LARP6: variants seen among roughly 807,000 people sequenced by gnomAD.
LARP6 encodes La ribonucleoprotein 6, translational regulator.
In LARP6, 18 loss-of-function variants were observed where a neutral mutation model predicts 32.8. The observed-to-expected ratio is 0.55, with a 90% confidence interval of 0.38 to 0.81. The LOEUF (loss-of-function observed/expected upper bound fraction) is 0.81. LARP6 is among the 40% of genes least tolerant of loss of function. The pLI is 0.00. For missense variants in LARP6, 598 were observed against 663.1 expected (o/e 0.90, Z 1.08); for synonymous variants, 289 against 267.2 (o/e 1.08, Z -0.80).
chr15:70,833,012 G>T lies in LARP6; in HGVS notation c.516C>A (p.Pro172=). 1 of 1,613,472 alleles carries T rather than the reference G, an allele frequency of 6.2e-7. No individual in the cohort carries two copies. The highest frequency in any genetic ancestry group is 8.5e-7 in the Non-Finnish European group (1 of 1,179,638). ...EDHRKVRRTT[P]VPLFPNENLP... ...GGTTCTCGTTGGGGAACAGTGGGAC[G>T]GGGGTGGTCCTCCTCACCTTCCGGT... Residue 172 remains proline, a synonymous_variant, in exon 3 of 3, where the codon CCC becomes CCA. Coordinates refer to ENST00000299213, the MANE Select transcript of LARP6 (RefSeq NM_018357.4).
At chr15:70,841,075 G>T (rs531426569) in intron 1 of LARP6, among the ~76,000 whole-genome samples, 4 of 152,100 alleles carry the variant, frequency 2.6e-5, no homozygotes, top group Admixed American at 1.3e-4. Flanking sequence ...CACCGCGCCC[G>T]GCTAATTTTT....
intron 2 of LARP6, among the ~76,000 whole-genome samples, chr15:70,835,582 A>C (rs1488156095): frequency 6.6e-6 from 1 of 152,226 alleles, no homozygotes; most frequent in African/African-American, 2.4e-5. Context: ...GCCGGGACCC[A>C]CTTGTTACGC....
Position 70,844,130 on chromosome 15 carries a change from T to C in LARP6, c.201-7625A>G, listed in dbSNP as rs150459778. Among the ~76,000 whole-genome samples, 709 of 151,486 alleles carry C rather than the reference T, an allele frequency of 4.7e-3. 1 individual carries two copies. Among genetic ancestry groups the C allele is most frequent in the Non-Finnish European group, 7.2e-3 (487 of 67,884 alleles). The stretch of plus-strand genomic sequence containing the variant: ...CACCACCCCACCCAGCTAATTTTTG[T>C]ATTTTTAGTAGAGACAGAGTTTCAC... On this transcript the variant is annotated intron_variant, in intron 1 of 2. Transcript: ENST00000299213.
At chr15:70,836,240 A>G (rs1216867625) in intron 2 of LARP6, 55 bp downstream of exon 2, 1 of 1,505,966 alleles carries the variant, frequency 6.6e-7, no homozygotes, top group African/African-American at 1.4e-5. Context: ...GTTTAAAACC[A>G]CAACCCAAAA....
At chr15:70,842,456 A>AC (rs988809805) in intron 1 of LARP6, among the ~76,000 whole-genome samples, 1 of 149,884 alleles carries the variant, frequency 6.7e-6, no homozygotes, top group East Asian at 2.0e-4. Flanking sequence ...ATTCAAATCT[A>AC]CCCCCCAGCC....
At chr15:70,839,437 C>CAA (rs10580315) in intron 1 of LARP6, among the ~76,000 whole-genome samples, 3 of 130,012 alleles carry the variant, frequency 2.3e-5, no homozygotes, top group Admixed American at 7.3e-5. Context: ...GAGACTGTCT[C>CAA]AAAAAAAAAA....
intron 1 of LARP6, chr15:70,852,271 G>A (rs755598875): frequency 1.2e-3 from 552 of 455,876 alleles, no homozygotes; most frequent in Non-Finnish European, 2.0e-3. Context: ...ATGCCAGTGG[G>A]CAGCAGGAAG....
At chr15:70,840,261 C>T (rs28483656) in intron 1 of LARP6, among the ~76,000 whole-genome samples, 8,935 of 152,172 alleles carry the variant, frequency 0.059, 364 homozygotes, top group African/African-American at 0.1. Flanking sequence ...GGGTTGAGGC[C>T]GGGCGCGGTG....
At position 70,831,975 on chromosome 15, in the gene LARP6, T is replaced by C. The variant is rs1268846390; in HGVS notation, c.*77A>G. ...TCTCAAAGGGGAACGAATTCCATTC[T>C]GTCATGCCAGGTGTTTGTCAGAACC... On this transcript the variant is annotated 3_prime_UTR_variant, in exon 3 of 3. Transcript: ENST00000299213. 1.0e-6 allele frequency: 1 copy of C among 994,622 alleles called. No homozygotes were observed. Among genetic ancestry groups the C allele is most frequent in the African/African-American group, 1.6e-5 (1 of 61,130 alleles). The allele number at this position is 994,622 out of a possible 1,614,324, so 61.6% of individuals were successfully genotyped here.
intron 2 of LARP6, 99 bp from the exon 3 acceptor site, chr15:70,833,215 CT>C: frequency 1.1e-6 from 1 of 920,288 alleles, no homozygotes. Context: ...CCCTGTAACA[CT>C]AGAATCCCTG....
chr15:70,843,343 T>C (rs1314868935), intron 1 of LARP6, among the ~76,000 whole-genome samples: 6 of 152,172 alleles, frequency 3.9e-5, no homozygotes, highest in African/African-American at 9.7e-5. Context: ...TAGATAAACA[T>C]AGCAAAAACT....
chr15:70,833,014 G>GGGTGGTCCTCCTCACCTTCC lies in LARP6; in HGVS notation c.494_513dup (p.Pro172GlyfsTer3). 6.2e-7 allele frequency: 1 copy of GGGTGGTCCTCCTCACCTTCC among 1,613,684 alleles called. No individual in the cohort carries two copies. The highest frequency in any genetic ancestry group is 8.5e-7 in the Non-Finnish European group (1 of 1,179,764). On this transcript the variant is annotated stop_gained and frameshift_variant, in exon 3 of 3. Transcript: ENST00000299213. LOFTEE classifies it high-confidence loss of function. ...TTCTCGTTGGGGAACAGTGGGACGGGGGTGGTCCTCCTCACCTTCCGGTGG... is the reference window on the plus strand; with the variant it reads ...TTCTCGTTGGGGAACAGTGGGACGGGGGTGGTCCTCCTCACCTTCCGGTGGTCCTCCTCACCTTCCGGTGG...
At chr15:70,848,790 T>C (rs2032393709) in intron 1 of LARP6, 1 of 152,076 alleles carries the variant, frequency 6.6e-6, no homozygotes, top group Non-Finnish European at 1.5e-5. Flanking sequence ...AGACAGCCTG[T>C]ACAATGTCCC....
chr15:70,851,425 C>A, intron 1 of LARP6: 1 of 1,223,802 alleles, frequency 8.2e-7, no homozygotes, highest in African/African-American at 1.5e-5. Flanking sequence ...TGATCAATAA[C>A]ATTTTAGAGG....
intron 1 of LARP6, among the ~76,000 whole-genome samples, chr15:70,850,867 G>A (rs964329192): frequency 6.6e-6 from 1 of 152,144 alleles, no homozygotes; most frequent in African/African-American, 2.4e-5. Context: ...TCCAAAATGT[G>A]AGACATTCAA....
rs978126900 is a variant in LARP6, at chr15:70,830,187, C to G, written c.*1865G>C. On this transcript the variant is annotated 3_prime_UTR_variant, in exon 3 of 3. Coordinates refer to ENST00000299213, the MANE Select transcript of LARP6 (RefSeq NM_018357.4). ...TGCTGGAGGCATTTGCCAGTTAACACGAACTCTTCTGCATCTTAAGGGACA... is the reference window on the plus strand; with the variant it reads ...TGCTGGAGGCATTTGCCAGTTAACAGGAACTCTTCTGCATCTTAAGGGACA... The G allele has an allele frequency of 6.6e-6, 1 of 152,258 alleles. No individual in the cohort carries two copies. Among genetic ancestry groups the G allele is most frequent in the Non-Finnish European group, 1.5e-5 (1 of 68,072 alleles). The allele number at this position is 152,258 out of a possible 1,614,324, so 9.4% of individuals were successfully genotyped here. A position where few individuals can be genotyped will look rare whatever the true frequency, so the allele number is the denominator to read the frequency against.
intron 1 of LARP6, among the ~76,000 whole-genome samples, chr15:70,851,110 G>A (rs2032439829): frequency 6.6e-6 from 1 of 152,184 alleles, no homozygotes; most frequent in South Asian, 2.1e-4. Context: ...ATTAGGGAAT[G>A]ATAGTTAATT....
rs1567019046 is a variant in LARP6 at position 70,830,704 on chromosome 15, T to A, written c.*1348A>T. 1 of 152,250 alleles carries A rather than the reference T, an allele frequency of 6.6e-6. No homozygotes were observed. The highest frequency in any genetic ancestry group is 1.5e-5 in the Non-Finnish European group (1 of 68,044). The allele number at this position is 152,250 out of a possible 1,614,324, so 9.4% of individuals were successfully genotyped here. ...GATAATGCATGGAAAGCTCTTAGCATAGTCCCTGGCACCTAATCACTGTTC... is the reference window on the plus strand; with the variant it reads ...GATAATGCATGGAAAGCTCTTAGCAAAGTCCCTGGCACCTAATCACTGTTC... On this transcript the variant is annotated 3_prime_UTR_variant, in exon 3 of 3. Transcript: ENST00000299213.
chr15:70,835,595 C>G (rs2032131943), intron 2 of LARP6, among the ~76,000 whole-genome samples: 1 of 152,232 alleles, frequency 6.6e-6, no homozygotes, highest in Non-Finnish European at 1.5e-5. Flanking sequence ...TGTTACGCAT[C>G]CCGTTATGCA....
Sources: gnomAD v4.1 joint callset for allele counts (sites outside exome capture counted in the v4.1 genomes callset) on GRCh38, gnomAD v4.1.1 for gene constraint, MANE v1.5 for transcripts, NCBI Gene and HGNC (gene_info 2026-07-23, HGNC 2026-07-21) for gene names.